SLC20A2: variants seen among roughly 807,000 people sequenced by gnomAD.
The protein encoded by SLC20A2 is solute carrier family 20 member 2.
SLC20A2 carries 30 observed loss-of-function variants against 61.0 expected under a neutral mutation model. The ratio of observed to expected loss-of-function variants is 0.49; its 90% confidence interval spans 0.37 to 0.67. The LOEUF is 0.67. Among genes scored for constraint, SLC20A2 ranks in the 30% least tolerant of loss-of-function variants. The pLI is 0.00. For missense variants in SLC20A2, 626 were observed against 866.4 expected (o/e 0.72, Z 3.48); for synonymous variants, 351 against 353.3 (o/e 0.99, Z 0.07).
At chr8:42,519,628 A>G (rs1385140966) in intron 1 of SLC20A2, among the ~76,000 whole-genome samples, 2 of 152,132 alleles carry the variant, frequency 1.3e-5, no homozygotes, top group African/African-American at 4.8e-5. Flanking sequence ...AACTTCTTAC[A>G]AAGAGCACTT....
chr8:42,512,794 A>G (rs1231992907), intron 1 of SLC20A2, among the ~76,000 whole-genome samples: 1 of 152,236 alleles, frequency 6.6e-6, no homozygotes, highest in Non-Finnish European at 1.5e-5. Context: ...TAGTTAGACA[A>G]AGAGCATTCA....
chr8:42,528,864 T>C (rs1316096759), intron 1 of SLC20A2, among the ~76,000 whole-genome samples: 1 of 151,870 alleles, frequency 6.6e-6, no homozygotes, highest in Non-Finnish European at 1.5e-5. Context: ...ACGGGGTTTC[T>C]CCATGTTGGT....
Position 42,444,660 on chromosome 8 carries a change from C to T in SLC20A2, c.716G>A (p.Arg239Gln), listed in dbSNP as rs137953282. The T allele has an allele frequency of 2.0e-5, 33 of 1,613,188 alleles. No homozygotes were observed. Among genetic ancestry groups the T allele is most frequent in the African/African-American group, 5.3e-5 (4 of 74,884 alleles). ...AAGGCCCATACCTGTTATTTTCCTCCGCATCCACGGACACACGAAGAGCCA... is the reference window on the plus strand; with the variant it reads ...AAGGCCCATACCTGTTATTTTCCTCTGCATCCACGGACACACGAAGAGCCA... ...FVWLFVCPWM[R>Q]RKITGKLQKE... Residue 239 changes from arginine (R) to glutamine (Q), a missense_variant, in exon 6 of 11, where the codon CGG becomes CAG. Arg to Gln is a conservative substitution (Grantham distance 43). Around this residue, in one of 3 missense-constraint regions of SLC20A2, gnomAD observed 361 missense variants for 422.3 expected, o/e 0.85. Transcript: ENST00000520262.
intron 1 of SLC20A2, among the ~76,000 whole-genome samples, chr8:42,517,936 G>T (rs1235531179): frequency 6.6e-6 from 1 of 152,022 alleles, no homozygotes; most frequent in Non-Finnish European, 1.5e-5. Context: ...CTTTTTTAAA[G>T]AATTATTTAT....
chr8:42,524,612 CCT>C (rs1436050594), intron 1 of SLC20A2, among the ~76,000 whole-genome samples: 2 of 151,888 alleles, frequency 1.3e-5, no homozygotes, highest in African/African-American at 4.8e-5. Flanking sequence ...ATGGTGAAAC[CCT>C]GTCTCTACTA....
chr8:42,437,354 G>T lies in SLC20A2; in HGVS notation c.1158C>A (p.Tyr386Ter), dbSNP rs2131006757. ...NYRLLRRNNS[Y>*]TCYTAAICGL... The stretch of plus-strand genomic sequence containing the variant: ...CACAAATGGCTGCGGTGTAGCAGGT[G>T]TAACTGTTGTTTCGGCGCAGCAGCC... Residue 386 changes from tyrosine (Y) to a stop codon, truncating the protein, a stop_gained, in exon 8 of 11, where the codon TAC becomes TAA. Coordinates refer to ENST00000520262, the MANE Select transcript of SLC20A2 (RefSeq NM_001257180.2). LOFTEE classifies it high-confidence loss of function. The surrounding 1 kb of genome is among the most constrained non-coding windows in gnomAD (Gnocchi z 6.4). The T allele has an allele frequency of 6.2e-7, 1 of 1,614,192 alleles. No individual in the cohort carries two copies.
intron 1 of SLC20A2, among the ~76,000 whole-genome samples, chr8:42,532,764 A>G (rs568737244): frequency 1.3e-5 from 2 of 152,352 alleles, no homozygotes; most frequent in South Asian, 4.1e-4. Flanking sequence ...ACGGGAGACC[A>G]AGGCGGTGGA....
chr8:42,451,710 G>GGAGGAGGAAGAGATGAAA (rs1267127528), intron 5 of SLC20A2, among the ~76,000 whole-genome samples: 15 of 136,000 alleles, frequency 1.1e-4, no homozygotes, highest in African/African-American at 4.2e-4. Context: ...ATGAAGAGGA[G>GGAGGAGGAAGAGATGAAA]GAGGAGGAAG....
chr8:42,509,909 G>A (rs537795584), intron 1 of SLC20A2, among the ~76,000 whole-genome samples: 11 of 152,138 alleles, frequency 7.2e-5, no homozygotes, highest in Non-Finnish European at 1.5e-4. Flanking sequence ...CTTATTAAGT[G>A]CAACCTTCAC....
intron 1 of SLC20A2, among the ~76,000 whole-genome samples, chr8:42,498,517 C>T (rs12542919): frequency 0.32 from 49,387 of 151,980 alleles, 8,843 homozygotes; most frequent in East Asian, 0.41. Context: ...CTTGTTGTAG[C>T]ATGTGGGTTG....
Position 42,417,916 on chromosome 8 carries a change from A to G in SLC20A2, c.1846T>C (p.Trp616Arg). The change falls in exon 11 of 11, where the codon TGG (tryptophan) becomes CGG (arginine). Residue 616 changes from tryptophan to arginine, a missense_variant. Trp to Arg is a moderately radical substitution (Grantham distance 101, BLOSUM62 -3). This residue lies in a region of SLC20A2 where 138 missense variants were observed against 228.7 expected (regional missense o/e 0.60). Coordinates refer to ENST00000520262, the MANE Select transcript of SLC20A2 (RefSeq NM_001257180.2). ...ACGAAGATGTTCCGAAAGAGGCGCC[A>G]GTCCACAGCCTTGCGGGAGCGGATC... ...GWIRSRKAVD[W>R]RLFRNIFVAW... 1.2e-6 allele frequency: 2 copies of G among 1,614,006 alleles called. No homozygotes were observed. Among genetic ancestry groups the G allele is most frequent in the South Asian group, 2.2e-5 (2 of 91,064 alleles).
At chr8:42,449,066 C>T (rs1480516169) in intron 5 of SLC20A2, among the ~76,000 whole-genome samples, 3 of 152,188 alleles carry the variant, frequency 2.0e-5, no homozygotes, top group African/African-American at 7.2e-5. Context: ...TCAAGACTGG[C>T]TTCTACACAA....
intron 8 of SLC20A2, among the ~76,000 whole-genome samples, chr8:42,430,930 G>C (rs1803825673): frequency 6.6e-6 from 1 of 152,172 alleles, no homozygotes; most frequent in South Asian, 2.1e-4. Flanking sequence ...AATGCTGTGT[G>C]TGTTCTCCCT....
chr8:42,494,696 G>A (rs1171219678), intron 1 of SLC20A2, among the ~76,000 whole-genome samples: 4 of 152,136 alleles, frequency 2.6e-5, no homozygotes, highest in Non-Finnish European at 5.9e-5. Context: ...TAACTTATTA[G>A]GTTGTTTCTG....
Position 42,428,621 on chromosome 8 carries a change from C to A in SLC20A2, c.1794+137G>T. On this transcript the variant is annotated intron_variant, in intron 10 of 10. Transcript: ENST00000520262. ...GGGAACAGATGGAGGAATACAAGGTCCCGGAGACCTGGAGAACCTGGAGCT... is the reference window on the plus strand; with the variant it reads ...GGGAACAGATGGAGGAATACAAGGTACCGGAGACCTGGAGAACCTGGAGCT... 4.7e-6 allele frequency: 3 copies of A among 643,500 alleles called. No homozygotes were observed. In the South Asian group the frequency reaches 5.8e-5, roughly 12 times the overall value. The allele number at this position is 643,500 out of a possible 1,614,324, so 39.9% of individuals were successfully genotyped here. A position where few individuals can be genotyped will look rare whatever the true frequency, so the allele number is the denominator to read the frequency against.
At chr8:42,534,234 G>A (rs1162865728) in intron 1 of SLC20A2, among the ~76,000 whole-genome samples, 1 of 151,966 alleles carries the variant, frequency 6.6e-6, no homozygotes, top group Non-Finnish European at 1.5e-5. Flanking sequence ...AGCCGCGATC[G>A]CATCATCGCA....
chr8:42,539,908 C>T (rs144453202), intron 1 of SLC20A2, among the ~76,000 whole-genome samples: 33 of 152,326 alleles, frequency 2.2e-4, no homozygotes, highest in Non-Finnish European at 4.1e-4. Context: ...TTAAAGCCAT[C>T]TTCCAACTTG....
At chr8:42,537,073 T>TAA (rs1393079378) in intron 1 of SLC20A2, among the ~76,000 whole-genome samples, 1 of 130,554 alleles carries the variant, frequency 7.7e-6, no homozygotes, top group African/African-American at 2.9e-5. Flanking sequence ...GGAGTCTGTT[T>TAA]AAAAAAAAAA....
In SLC20A2 at chr8:42,444,698, G is replaced by T. The variant is rs116687117; in HGVS notation, c.678C>A (p.Phe226Leu). 6 of 1,613,818 alleles carry T rather than the reference G, an allele frequency of 3.7e-6. No homozygotes were observed. The African/African-American group carries it at 6.7e-5, about 18-fold the overall frequency. ...ACACGAAGAGCCACACAAAAAAAGC[G>T]AACAGGAGGGCGACACCAAAGGAAA... ...ALISFGVALL[F>L]AFFVWLFVCP... The change falls in exon 6 of 11, where the codon TTC becomes TTA. Residue 226 changes from phenylalanine (F) to leucine (L), a missense_variant. Coordinates refer to ENST00000520262, the MANE Select transcript of SLC20A2 (RefSeq NM_001257180.2).
Sources: allele counts gnomAD v4.1 joint callset (sites outside exome capture counted in the v4.1 genomes callset), GRCh38; gene constraint gnomAD v4.1.1; regional missense constraint gnomAD v4.1.1; non-coding constraint Gnocchi (gnomAD v3.1); transcripts MANE v1.5; gene names NCBI Gene and HGNC (gene_info 2026-07-23, HGNC 2026-07-21).